Variants in CNTNAP2 observed in about 807,000 individuals in gnomAD.
CNTNAP2 encodes contactin associated protein 2.
CNTNAP2 carries 98 observed loss-of-function variants against 155.2 expected under a neutral mutation model. That is an observed-to-expected ratio of 0.63 (90% CI 0.54 to 0.75). The LOEUF (loss-of-function observed/expected upper bound fraction) is 0.75, where lower values mean the gene tolerates loss of function less well. Among genes scored for constraint, CNTNAP2 ranks in the 30% least tolerant of loss-of-function variants. The probability of loss-of-function intolerance (pLI) is 0.00; values close to 1 mark genes in which losing one functional copy is unlikely to be tolerated. For synonymous variants in CNTNAP2, 651 were observed against 631.2 expected, an observed-to-expected ratio of 1.03 and a Z score of -0.47; for missense variants, 1,727 against 1,688.1, an observed-to-expected ratio of 1.02 and a Z score of -0.40.
At chr7:148,145,687 T>C (rs1352004091) in intron 16 of CNTNAP2, among the ~76,000 whole-genome samples, 1 of 152,190 alleles carries the variant, frequency 6.6e-6, no homozygotes, top group East Asian at 1.9e-4. Context: ...AAGGCTACTT[T>C]TTCCTCATCT....
chr7:147,166,754 G>A (rs1802121950), intron 8 of CNTNAP2, among the ~76,000 whole-genome samples: 1 of 151,958 alleles, frequency 6.6e-6, no homozygotes, highest in Non-Finnish European at 1.5e-5. Context: ...GGCAGAGTGG[G>A]GGTCACAAGG....
intron 14 of CNTNAP2, among the ~76,000 whole-genome samples, chr7:147,964,994 T>C (rs932121922): frequency 6.6e-6 from 1 of 152,178 alleles, no homozygotes; most frequent in African/African-American, 2.4e-5. Context: ...TTTCAGACAT[T>C]TTTTCCAAAG....
chr7:147,353,850 A>G (rs990332811), intron 9 of CNTNAP2, among the ~76,000 whole-genome samples: 1 of 152,050 alleles, frequency 6.6e-6, no homozygotes, highest in Non-Finnish European at 1.5e-5. Context: ...CTGGTGTGAG[A>G]TGGTATCTTA....
At chr7:148,105,488 G>A (rs925695045) in intron 15 of CNTNAP2, among the ~76,000 whole-genome samples, 5 of 152,194 alleles carry the variant, frequency 3.3e-5, no homozygotes, top group South Asian at 2.1e-4. Context: ...CCATGTCACC[G>A]AGCTTGCAAT....
chr7:146,972,216 A>G (rs764112860), intron 3 of CNTNAP2, among the ~76,000 whole-genome samples: 3 of 152,220 alleles, frequency 2.0e-5, no homozygotes, highest in African/African-American at 4.8e-5. Flanking sequence ...ATATGATTTT[A>G]TCAATCTTTA....
At chr7:146,617,675 AAACTG>A (rs1400468260) in intron 1 of CNTNAP2, among the ~76,000 whole-genome samples, 1 of 152,202 alleles carries the variant, frequency 6.6e-6, no homozygotes, top group African/African-American at 2.4e-5. Context: ...ATGTTAGAAA[AAACTG>A]AAACTGTGGG....
At chr7:146,251,023 A>C (rs1332385384) in intron 1 of CNTNAP2, among the ~76,000 whole-genome samples, 1 of 152,170 alleles carries the variant, frequency 6.6e-6, no homozygotes, top group African/African-American at 2.4e-5. Flanking sequence ...TTTTCCAATG[A>C]AACTTTCTTG....
chr7:146,459,176 G>A (rs62503491), intron 1 of CNTNAP2, among the ~76,000 whole-genome samples: 6,449 of 152,150 alleles, frequency 0.042, 186 homozygotes, highest in Non-Finnish European at 0.067. Flanking sequence ...TCTACTCACC[G>A]ATGAAATTGA....
rs117540715 is a variant in CNTNAP2, at chr7:147,871,476, C to T, written c.2099-32089C>T. Among the ~76,000 whole-genome samples the T allele has an allele frequency of 8.9e-4, 136 of 152,274 alleles. 1 individual carries two copies. In the East Asian group the frequency reaches 0.02, roughly 23 times the overall value. ...AGTCCAGTATTATGGGACTTAAAGACGTCAGTGCCAGAAGGTCTATTGGTT... is the reference window on the plus strand; with the variant it reads ...AGTCCAGTATTATGGGACTTAAAGATGTCAGTGCCAGAAGGTCTATTGGTT... On this transcript the variant is annotated intron_variant, in intron 13 of 23. Transcript: ENST00000361727.
chr7:148,162,167 G>A (rs967701208), intron 17 of CNTNAP2, among the ~76,000 whole-genome samples: 1 of 152,182 alleles, frequency 6.6e-6, no homozygotes. Flanking sequence ...CAGGAGAGGG[G>A]GAGGGGGAGA....
intron 8 of CNTNAP2, among the ~76,000 whole-genome samples, chr7:147,263,988 A>G (rs761774107): frequency 2.0e-5 from 3 of 152,160 alleles, no homozygotes; most frequent in Non-Finnish European, 4.4e-5. Context: ...ACTGTCTTGC[A>G]TTTTCCTAGC....
chr7:147,992,274 G>A (rs1411617202), intron 15 of CNTNAP2, among the ~76,000 whole-genome samples: 1 of 151,574 alleles, frequency 6.6e-6, no homozygotes, highest in Admixed American at 6.6e-5. Flanking sequence ...TCCACGCCCA[G>A]TTAATTTTTG....
At chr7:146,754,191 A>G (rs989990226) in intron 1 of CNTNAP2, among the ~76,000 whole-genome samples, 2 of 152,044 alleles carry the variant, frequency 1.3e-5, no homozygotes, top group Admixed American at 1.3e-4. Context: ...CTTCATTCTC[A>G]GAAGGTATAC....
At chr7:147,554,714 C>A (rs528564570) in intron 11 of CNTNAP2, among the ~76,000 whole-genome samples, 2 of 152,094 alleles carry the variant, frequency 1.3e-5, no homozygotes, top group East Asian at 3.9e-4. Context: ...GATCATGACA[C>A]AATATTAGCA....
rs536189399 is a variant in CNTNAP2, at chr7:146,932,952, G to A, written c.402+93048G>A. 2.6e-5 allele frequency among the ~76,000 whole-genome samples: 4 copies of A among 152,140 alleles called. No individual in the cohort carries two copies. The South Asian group carries it at 8.3e-4, about 32-fold the overall frequency. On this transcript the variant is annotated intron_variant, in intron 3 of 23. Transcript: ENST00000361727. ...GAAATAAAACAGGATACAAAGAAAT[G>A]GAAGAACATTCCATGCTCATGGGTA...
At chr7:147,681,361 T>G (rs867204580) in intron 13 of CNTNAP2, among the ~76,000 whole-genome samples, 1 of 151,944 alleles carries the variant, frequency 6.6e-6, no homozygotes, top group East Asian at 1.9e-4. Flanking sequence ...TTAAACTCAG[T>G]GGGTCACTTT....
chr7:146,751,505 G>C (rs1448052840), intron 1 of CNTNAP2, among the ~76,000 whole-genome samples: 1 of 152,062 alleles, frequency 6.6e-6, no homozygotes. Context: ...TTGACTAAGT[G>C]ATTCCTAAGT....
chr7:147,031,848 A>G (rs915924280), intron 3 of CNTNAP2, among the ~76,000 whole-genome samples: 1 of 152,144 alleles, frequency 6.6e-6, no homozygotes, highest in Non-Finnish European at 1.5e-5. Flanking sequence ...AACCTGGGAG[A>G]TGGAGGTTTC....
chr7:147,184,748 G>C (rs1339473587), intron 8 of CNTNAP2, among the ~76,000 whole-genome samples: 1 of 152,124 alleles, frequency 6.6e-6, no homozygotes, highest in Non-Finnish European at 1.5e-5. Context: ...AAGGGGATGG[G>C]AGGAAAGAAA....
Sources: allele counts gnomAD v4.1 joint callset (sites outside exome capture counted in the v4.1 genomes callset), GRCh38; gene constraint gnomAD v4.1.1; transcripts MANE v1.5; gene names NCBI Gene and HGNC (gene_info 2026-07-23, HGNC 2026-07-21).